PLEKHA8: variants seen among roughly 807,000 people sequenced by gnomAD.
The protein encoded by PLEKHA8 is pleckstrin homology domain containing A8.
In PLEKHA8, 36 loss-of-function variants were observed where a neutral mutation model predicts 68.2. The ratio of observed to expected loss-of-function variants is 0.53; its 90% CI spans 0.40 to 0.70. The LOEUF (loss-of-function observed/expected upper bound fraction) is 0.70, where lower values mean the gene tolerates loss of function less well. PLEKHA8 is among the 30% of genes least tolerant of loss of function. The pLI is 0.00. For missense variants in PLEKHA8, 505 were observed against 615.4 expected (o/e 0.82, Z 1.90); for synonymous variants, 211 against 216.1 (o/e 0.98, Z 0.20).
chr7:30,090,438 C>CTAA, exon 13 of PLEKHA8: 1 of 363,696 alleles, frequency 2.7e-6, no homozygotes, highest in Non-Finnish European at 5.0e-6. Context: ...ACCTGAGTGC[C>CTAA]TTCTTAAGGA....
At chr7:30,034,215 G>A (rs1440227122) in intron 1 of PLEKHA8, among the ~76,000 whole-genome samples, 3 of 151,562 alleles carry the variant, frequency 2.0e-5, no homozygotes, top group Non-Finnish European at 4.4e-5. Flanking sequence ...TCACTATGTT[G>A]GCCAGGCTGG....
downstream of PLEKHA8, among the ~76,000 whole-genome samples, chr7:30,087,634 C>T (rs1333099850): frequency 2.0e-5 from 3 of 152,226 alleles, no homozygotes; most frequent in Non-Finnish European, 4.4e-5. Context: ...GTGCTGTGCA[C>T]AGCTATGCTT....
rs1795047405 is a variant in PLEKHA8, at chr7:30,083,549, G to A, written c.*4762G>A. The A allele has an allele frequency of 1.0e-6, 1 of 985,238 alleles. No individual in the cohort carries two copies. The highest frequency in any genetic ancestry group is 6.2e-5 in the Admixed American group (1 of 16,252). The allele number at this position is 985,238 out of a possible 1,614,324, so 61.0% of individuals were successfully genotyped here. A position where few individuals can be genotyped will look rare whatever the true frequency, so the allele number is the denominator to read the frequency against. On this transcript the variant is annotated 3_prime_UTR_variant, in exon 14 of 14. Coordinates refer to ENST00000449726, the MANE Select transcript of PLEKHA8 (RefSeq NM_001197026.2). ...GCTGCATTCAGGCACTCCAGGGCAT[G>A]ATTAAACAGTCATTAACAGTGCCTC...
intron 12 of PLEKHA8, among the ~76,000 whole-genome samples, chr7:30,072,680 G>A (rs377365796): frequency 6.6e-6 from 1 of 152,198 alleles, no homozygotes; most frequent in African/African-American, 2.4e-5. Context: ...TGTTAGAATT[G>A]AAAATATTTT....
chr7:30,060,965 G>C, intron 10 of PLEKHA8, 23 bp downstream of exon 10: 1 of 1,607,214 alleles, frequency 6.2e-7, no homozygotes, highest in East Asian at 2.2e-5. Flanking sequence ...GTTTGTCTCT[G>C]TGGAAACTTT....
At chr7:30,064,947 C>T (rs910668420) in intron 12 of PLEKHA8, among the ~76,000 whole-genome samples, 6 of 152,108 alleles carry the variant, frequency 3.9e-5, no homozygotes, top group African/African-American at 7.2e-5. Flanking sequence ...TGGGGTGGAA[C>T]GGAACCCAGC....
chr7:30,103,696 G>T (rs1156855528), intron 13 of PLEKHA8, among the ~76,000 whole-genome samples: 1 of 152,198 alleles, frequency 6.6e-6, no homozygotes, highest in Non-Finnish European at 1.5e-5. Flanking sequence ...AATAGTGCTA[G>T]AACAACTGCT....
At chr7:30,068,511 T>G (rs1354063364) in intron 12 of PLEKHA8, among the ~76,000 whole-genome samples, 2 of 152,240 alleles carry the variant, frequency 1.3e-5, no homozygotes, top group African/African-American at 4.8e-5. Context: ...CAGTTTGATA[T>G]CCTTCTCTGT....
chr7:30,100,540 G>A (rs1795812184), intron 13 of PLEKHA8, among the ~76,000 whole-genome samples: 1 of 152,022 alleles, frequency 6.6e-6, no homozygotes. Flanking sequence ...AACAGAGCGA[G>A]ACTGTGTCTC....
intron 1 of PLEKHA8, among the ~76,000 whole-genome samples, chr7:30,030,920 T>C (rs2127955953): frequency 6.6e-6 from 1 of 152,372 alleles, no homozygotes; most frequent in South Asian, 2.1e-4. Context: ...CTTGTAGGTT[T>C]GCACATACTA....
Position 30,061,084 on chromosome 7 carries a change from T to G in PLEKHA8, c.1098+142T>G, listed in dbSNP as rs1039815718. ...AGAGCAAGCATCTTTCTTCTCACACTGTGAATGCTCAGTAAGGGAATTACT... is the reference window on the plus strand; with the variant it reads ...AGAGCAAGCATCTTTCTTCTCACACGGTGAATGCTCAGTAAGGGAATTACT... On this transcript the variant is annotated intron_variant, in intron 10 of 13. Coordinates refer to ENST00000449726, the MANE Select transcript of PLEKHA8 (RefSeq NM_001197026.2). The G allele has an allele frequency of 5.5e-6, 4 of 732,568 alleles. No individual in the cohort carries two copies. The Admixed American group carries it at 7.6e-5, about 14-fold the overall frequency. The allele number at this position is 732,568 out of a possible 1,614,324, so 45.4% of individuals were successfully genotyped here. A position where few individuals can be genotyped will look rare whatever the true frequency, so the allele number is the denominator to read the frequency against.
Position 30,055,235 on chromosome 7 carries a change from T to C in PLEKHA8, c.954-22T>C, listed in dbSNP as rs370607639. On this transcript the variant is annotated intron_variant, in intron 8 of 13. Transcript: ENST00000449726. Reference sequence around the variant, plus strand: ...ATACTGTATTTTCAATCTTTTCTCCTCCATATCACCAAATTATGTAGCTTT... The same window carrying C: ...ATACTGTATTTTCAATCTTTTCTCCCCCATATCACCAAATTATGTAGCTTT... The C allele has an allele frequency of 3.1e-6, 5 of 1,604,144 alleles. No homozygotes were observed. In the African/African-American group the frequency reaches 6.7e-5, roughly 21 times the overall value.
At chr7:30,070,760 G>A (rs1737295836) in intron 12 of PLEKHA8, among the ~76,000 whole-genome samples, 1 of 152,142 alleles carries the variant, frequency 6.6e-6, no homozygotes, top group African/African-American at 2.4e-5. Flanking sequence ...TGTCCAGGCT[G>A]GTCTTGAGCT....
rs745326938 is a variant in PLEKHA8 at position 30,081,493 on chromosome 7, G to T, written c.*2706G>T. ...TGTTTTAGTTAAAGTCATAATTTGC[G>T]CTGATGTGTAATCACTTTCCAAGAA... On this transcript the variant is annotated 3_prime_UTR_variant, in exon 14 of 14. Coordinates refer to ENST00000449726, the MANE Select transcript of PLEKHA8 (RefSeq NM_001197026.2). 16 of 985,194 alleles carry T rather than the reference G, an allele frequency of 1.6e-5. No individual in the cohort carries two copies. The highest frequency in any genetic ancestry group is 1.9e-5 in the Non-Finnish European group (16 of 829,766). 61.0% of individuals were successfully genotyped at this position (985,194 alleles called of 1,614,324 possible). A position where few individuals can be genotyped will look rare whatever the true frequency, so the allele number is the denominator to read the frequency against.
At position 30,047,829 on chromosome 7, in the gene PLEKHA8, T is replaced by C. The variant is rs760628338; in HGVS notation, c.314-3T>C. On this transcript the variant is annotated splice_polypyrimidine_tract_variant and splice_region_variant and intron_variant, in intron 3 of 13. Coordinates refer to ENST00000449726, the MANE Select transcript of PLEKHA8 (RefSeq NM_001197026.2). ...ACTGCATTATCATCATTTTGTCATTTAGAGTTTGCTGAAAACACTGAAAAC... is the reference window on the plus strand; with the variant it reads ...ACTGCATTATCATCATTTTGTCATTCAGAGTTTGCTGAAAACACTGAAAAC... 6.2e-7 allele frequency: 1 copy of C among 1,609,112 alleles called. No homozygotes were observed. Among genetic ancestry groups the C allele is most frequent in the Admixed American group, 1.7e-5 (1 of 59,490 alleles).
At position 30,112,902 on chromosome 7, in the gene PLEKHA8, T is replaced by TA. The variant is rs76790672; in HGVS notation, c.1363-16350dup. 7.1e-3 allele frequency among the ~76,000 whole-genome samples: 1,030 copies of TA among 145,522 alleles called. 4 individuals are homozygous for TA. The highest frequency in any genetic ancestry group is 0.021 in the Middle Eastern group (6 of 280). ...GCAACAGAATGAAACTCTGTCTCTT[T>TA]AAAAAAAAAAAAAATTAACATATAT... On this transcript the variant is annotated intron_variant, in intron 13 of 13. Coordinates refer to the PLEKHA8 transcript ENST00000396257.
At chr7:30,129,186 G>C in intron 13 of PLEKHA8, 1 of 1,596,764 alleles carries the variant, frequency 6.3e-7, no homozygotes. Context: ...ATATGTAACA[G>C]GAAGTTGCTG....
downstream of PLEKHA8, among the ~76,000 whole-genome samples, chr7:30,091,702 C>CATCTT (rs1422435255): frequency 6.6e-6 from 1 of 152,156 alleles, no homozygotes; most frequent in African/African-American, 2.4e-5. Flanking sequence ...GGTTGACAGT[C>CATCTT]ATCTTACAAG....
chr7:30,090,735 T>A, exon 13 of PLEKHA8: 1 of 648,442 alleles, frequency 1.5e-6, no homozygotes, highest in Non-Finnish European at 1.9e-6. Flanking sequence ...AACAGATTTC[T>A]AAAAAGAAAT....
Sources: gnomAD v4.1 joint callset for allele counts (sites outside exome capture counted in the v4.1 genomes callset) on GRCh38, gnomAD v4.1.1 for gene constraint, MANE v1.5 for transcripts, NCBI Gene and HGNC (gene_info 2026-07-23, HGNC 2026-07-21) for gene names.